PIP4K2A: variants seen among roughly 807,000 people sequenced by gnomAD.
PIP4K2A encodes phosphatidylinositol-5-phosphate 4-kinase type 2 alpha, also known as phosphatidylinositol 5-phosphate 4-kinase type-2 alpha.
PIP4K2A carries 14 observed loss-of-function variants against 42.9 expected under a neutral mutation model. That is an observed-to-expected ratio of 0.33 (90% CI 0.22 to 0.51). The LOEUF (loss-of-function observed/expected upper bound fraction) is 0.51, where lower values mean the gene tolerates loss of function less well. Ranked by LOEUF, PIP4K2A falls within the 20% of genes least tolerant of loss-of-function variation. PIP4K2A has a pLI of 0.97. For missense variants in PIP4K2A, 434 were observed against 519.8 expected, an observed-to-expected ratio of 0.83 and a Z score of 1.61; for synonymous variants, 192 against 192.2, an observed-to-expected ratio of 1.00 and a Z score of 0.01.
At chr10:22,714,014 G>A (rs1032898059) in intron 1 of PIP4K2A, 169 bp downstream of exon 1, 25 of 645,346 alleles carry the variant, frequency 3.9e-5, no homozygotes, top group African/African-American at 2.8e-4. Context: ...CGGCCCAGAG[G>A]GCTGGGGGCA....
intron 3 of PIP4K2A, 47 bp from the exon 4 acceptor site, chr10:22,591,828 A>AG: frequency 6.7e-7 from 1 of 1,489,850 alleles, no homozygotes; most frequent in African/African-American, 1.4e-5. Flanking sequence ...GAAGATAACT[A>AG]GTTAAAGGTG....
intron 1 of PIP4K2A, among the ~76,000 whole-genome samples, chr10:22,636,098 T>A (rs973657968): frequency 2.0e-5 from 3 of 151,686 alleles, no homozygotes; most frequent in Non-Finnish European, 2.9e-5. Context: ...GAGAAAAAAA[T>A]TGTGAAAATC....
intron 1 of PIP4K2A, among the ~76,000 whole-genome samples, chr10:22,635,552 GAAAACACTT>G (rs1838644594): frequency 2.0e-5 from 3 of 152,214 alleles, no homozygotes; most frequent in African/African-American, 7.2e-5. Flanking sequence ...CTGAAGGAGG[GAAAACACTT>G]GGATTTGGAT....
intron 1 of PIP4K2A, among the ~76,000 whole-genome samples, chr10:22,636,074 C>T (rs1838656828): frequency 6.6e-6 from 1 of 151,924 alleles, no homozygotes; most frequent in Admixed American, 6.6e-5. Flanking sequence ...GATAACGCCA[C>T]AAAGGGATTC....
intron 7 of PIP4K2A, among the ~76,000 whole-genome samples, chr10:22,549,410 AAGT>A (rs1237202384): frequency 6.6e-6 from 1 of 151,708 alleles, no homozygotes; most frequent in Non-Finnish European, 1.5e-5. Context: ...GCCTCTCTCT[AAGT>A]AGCAGATCCG....
chr10:22,677,074 T>A (rs565783190), intron 1 of PIP4K2A, among the ~76,000 whole-genome samples: 37 of 152,368 alleles, frequency 2.4e-4, no homozygotes, highest in Middle Eastern at 3.4e-3. Context: ...ATTCATTTTT[T>A]AAGAGCTATC....
intron 5 of PIP4K2A, among the ~76,000 whole-genome samples, chr10:22,568,176 CTGACCATCACTTACT>C (rs1259812615): frequency 6.6e-6 from 1 of 152,250 alleles, no homozygotes; most frequent in Middle Eastern, 3.2e-3. Flanking sequence ...GTTAGAAAAC[CTGACCATCACTTACT>C]TGAGCAGTAA....
chr10:22,573,465 G>C lies in PIP4K2A; in HGVS notation c.493-8C>G, dbSNP rs768193534. ...ATGACATTCCACTATGTACTGCATA[G>C]GAGAGAAAGAAAAAGGAAAAAAACA... On this transcript the variant is annotated splice_region_variant and splice_polypyrimidine_tract_variant and intron_variant, in intron 4 of 9. Transcript: ENST00000376573. 16 of 1,597,614 alleles carry C rather than the reference G, an allele frequency of 1.0e-5. No individual in the cohort carries two copies. The Admixed American group carries it at 2.7e-4, about 27-fold the overall frequency.
chr10:22,581,113 G>A (rs1040520178), intron 4 of PIP4K2A, among the ~76,000 whole-genome samples: 22 of 149,798 alleles, frequency 1.5e-4, no homozygotes, highest in African/African-American at 3.0e-4. Flanking sequence ...ACACAATACC[G>A]AAGAGTGTTC....
chr10:22,634,662 TTCTC>T (rs1410185541), intron 1 of PIP4K2A, among the ~76,000 whole-genome samples: 1 of 152,224 alleles, frequency 6.6e-6, no homozygotes, highest in South Asian at 2.1e-4. Flanking sequence ...GGTCCAATTC[TTCTC>T]TCTTTCTCTC....
chr10:22,630,777 A>AAG (rs1265619609), intron 1 of PIP4K2A, among the ~76,000 whole-genome samples: 1 of 152,326 alleles, frequency 6.6e-6, no homozygotes, highest in African/African-American at 2.4e-5. Flanking sequence ...CAGTCCTCTA[A>AAG]AGCTGGGACA....
intron 6 of PIP4K2A, among the ~76,000 whole-genome samples, chr10:22,558,045 T>A (rs1836596109): frequency 6.6e-6 from 1 of 152,254 alleles, no homozygotes; most frequent in African/African-American, 2.4e-5. Context: ...ATATGCTCAT[T>A]TGGCAACCTA....
intron 7 of PIP4K2A, among the ~76,000 whole-genome samples, chr10:22,543,638 CAG>C (rs934730427): frequency 6.6e-6 from 1 of 152,202 alleles, no homozygotes; most frequent in Non-Finnish European, 1.5e-5. Context: ...TTCCAGCAGT[CAG>C]AGACTGCGCA....
At chr10:22,554,098 G>A (rs779929948) in intron 6 of PIP4K2A, among the ~76,000 whole-genome samples, 11 of 152,086 alleles carry the variant, frequency 7.2e-5, no homozygotes, top group African/African-American at 2.2e-4. Context: ...CCATGATCGC[G>A]CCACTGCACT....
At chr10:22,568,653 A>G (rs775435565) in intron 5 of PIP4K2A, among the ~76,000 whole-genome samples, 3 of 152,202 alleles carry the variant, frequency 2.0e-5, no homozygotes, top group Non-Finnish European at 4.4e-5. Flanking sequence ...GTTGTCTAGC[A>G]TGACCTGAGT....
chr10:22,569,025 A>G (rs1372542034), intron 5 of PIP4K2A: 17 of 1,534,960 alleles, frequency 1.1e-5, no homozygotes, highest in Non-Finnish European at 1.4e-5. Flanking sequence ...TTGGCTTGGG[A>G]AAAGTGAAAG....
At chr10:22,539,653 C>T in intron 9 of PIP4K2A, 1 of 273,892 alleles carries the variant, frequency 3.7e-6, no homozygotes, top group Non-Finnish European at 6.9e-6. Flanking sequence ...TTAGTGTCCG[C>T]CATGTGTAAA....
chr10:22,681,805 G>A (rs1054174974), intron 1 of PIP4K2A, among the ~76,000 whole-genome samples: 1 of 146,922 alleles, frequency 6.8e-6, no homozygotes, highest in Non-Finnish European at 1.5e-5. Flanking sequence ...TTCCCTGCAA[G>A]GGTTAGACAG....
intron 1 of PIP4K2A, among the ~76,000 whole-genome samples, chr10:22,642,849 T>G (rs947996961): frequency 2.0e-5 from 3 of 152,166 alleles, no homozygotes; most frequent in Non-Finnish European, 4.4e-5. Context: ...CCTTCCTAGA[T>G]AGTAATTCAT....
Sources: allele counts gnomAD v4.1 joint callset (sites outside exome capture counted in the v4.1 genomes callset), GRCh38; gene constraint gnomAD v4.1.1; transcripts MANE v1.5; gene names NCBI Gene and HGNC (gene_info 2026-07-23, HGNC 2026-07-21).